Variants in DYNC2H1 observed in about 807,000 individuals in gnomAD.
The protein encoded by DYNC2H1 is dynein cytoplasmic 2 heavy chain 1.
A neutral mutation model predicts 570.0 loss-of-function variants in DYNC2H1; 410 were observed. The ratio of observed to expected loss-of-function variants is 0.72; its 90% confidence interval spans 0.66 to 0.78. DYNC2H1 has a LOEUF of 0.78. Among genes scored for constraint, DYNC2H1 ranks in the 30% least tolerant of loss-of-function variants. The pLI, the probability that DYNC2H1 is intolerant of heterozygous loss-of-function variation, is 0.00. For missense variants in DYNC2H1, 4,865 were observed against 5,046.4 expected, an observed-to-expected ratio of 0.96 and a Z score of 1.09; for synonymous variants, 1,688 against 1,677.6, an observed-to-expected ratio of 1.01 and a Z score of -0.15.
intron 82 of DYNC2H1, among the ~76,000 whole-genome samples, chr11:103,348,578 TCTCA>T (rs1939875522): frequency 6.6e-6 from 1 of 152,216 alleles, no homozygotes; most frequent in East Asian, 1.9e-4. Flanking sequence ...ATGGCTTCTT[TCTCA>T]CTCAGTGTAA....
intron 55 of DYNC2H1, among the ~76,000 whole-genome samples, chr11:103,218,535 AAG>A (rs1265311166): frequency 1.3e-5 from 2 of 152,184 alleles, no homozygotes; most frequent in Non-Finnish European, 2.9e-5. Context: ...TTGACCTTAA[AAG>A]AGTTGTTTGA....
chr11:103,155,549 A>G (rs1177418480), intron 25 of DYNC2H1, 48 bp downstream of exon 25: 5 of 1,539,658 alleles, frequency 3.2e-6, no homozygotes, highest in Non-Finnish European at 4.4e-6. Context: ...CTTTTTTAAT[A>G]TACAATATTG....
intron 30 of DYNC2H1, among the ~76,000 whole-genome samples, chr11:103,164,300 T>TA (rs1861211608): frequency 6.6e-6 from 1 of 152,294 alleles, no homozygotes; most frequent in East Asian, 1.9e-4. Context: ...GCCTGCAACT[T>TA]ACCTCCAGGC....
At chr11:103,331,313 T>A (rs2135461058) in intron 82 of DYNC2H1, among the ~76,000 whole-genome samples, 1 of 152,338 alleles carries the variant, frequency 6.6e-6, no homozygotes, top group African/African-American at 2.4e-5. Flanking sequence ...CCATGGCTCT[T>A]ACCTGATGAG....
At chr11:103,298,395 C>A (rs1056349140) in intron 75 of DYNC2H1, among the ~76,000 whole-genome samples, 1 of 151,960 alleles carries the variant, frequency 6.6e-6, no homozygotes, top group Non-Finnish European at 1.5e-5. Context: ...GGCACATAAC[C>A]TTTCTTACTG....
chr11:103,201,838 A>T lies in DYNC2H1; in HGVS notation c.8197+1684A>T, dbSNP rs1862730382. 6.6e-6 allele frequency among the ~76,000 whole-genome samples: 1 copy of T among 152,266 alleles called. No individual in the cohort carries two copies. Among genetic ancestry groups the T allele is most frequent in the East Asian group, 1.9e-4 (1 of 5,188 alleles). The stretch of plus-strand genomic sequence containing the variant: ...GTTAGTGATTGGGAGGAAGTAGCTT[A>T]GTTTTAAACTTGGATCAAGAGTGTT... On this transcript the variant is annotated intron_variant, in intron 50 of 88. Coordinates refer to ENST00000375735, the MANE Select transcript of DYNC2H1 (RefSeq NM_001377.3). This position sits in a 1 kb window ranked among gnomAD's most constrained non-coding sequence, Gnocchi z 4.8.
chr11:103,252,151 T>A lies in DYNC2H1; in HGVS notation c.10043-1134T>A, dbSNP rs1864860554. Reference sequence around the variant, plus strand: ...GGTCTCAGTATGTTTCCCAGATGGATCTTGAACTTCTGGTCTCAAGTGGTA... The same window carrying A: ...GGTCTCAGTATGTTTCCCAGATGGAACTTGAACTTCTGGTCTCAAGTGGTA... On this transcript the variant is annotated intron_variant, in intron 65 of 88. Coordinates refer to ENST00000375735, the MANE Select transcript of DYNC2H1 (RefSeq NM_001377.3). The surrounding 1 kb of genome is among the most constrained non-coding windows in gnomAD (Gnocchi z 4.6). Among the ~76,000 whole-genome samples, 1 of 151,772 alleles carries A rather than the reference T, an allele frequency of 6.6e-6. No homozygotes were observed.
Position 103,199,318 on chromosome 11 carries a change from C to A in DYNC2H1, c.7930C>A (p.Leu2644Met). ...LEYMSRIDRVLSFPGGSLLLA... is the reference protein window; with the variant it reads ...LEYMSRIDRVMSFPGGSLLLA... ...GTATATGTCTAGGATAGATAGAGTG[C>A]TGAGTTTCCCTGGAGGTTCACTTCT... is the stretch of plus-strand genomic sequence containing the variant. Residue 2644 changes from leucine (L) to methionine (M), a missense_variant, in exon 49 of 89, where the codon CTG (leucine) becomes ATG (methionine). Leu to Met is a conservative substitution (Grantham distance 15, BLOSUM62 2). Transcript: ENST00000375735. The surrounding 1 kb of genome is among the most constrained non-coding windows in gnomAD (Gnocchi z 4.6). 1 of 1,611,666 alleles carries A rather than the reference C, an allele frequency of 6.2e-7. No homozygotes were observed. The highest frequency in any genetic ancestry group is 8.5e-7 in the Non-Finnish European group (1 of 1,179,666).
At position 103,334,266 on chromosome 11, in the gene DYNC2H1, T is replaced by G. The variant is rs1331999527; in HGVS notation, c.12039+10276T>G. ...CTTCACCAGGTAGCTGTGTGACTAG[T>G]AAAACATTGAGGATTCTACTGGTAA... On this transcript the variant is annotated intron_variant, in intron 82 of 88. Coordinates refer to ENST00000375735, the MANE Select transcript of DYNC2H1 (RefSeq NM_001377.3). This position sits in a 1 kb window ranked among gnomAD's most constrained non-coding sequence, Gnocchi z 4.3. Among the ~76,000 whole-genome samples, 1 of 152,166 alleles carries G rather than the reference T, an allele frequency of 6.6e-6. No homozygotes were observed. The highest frequency in any genetic ancestry group is 2.4e-5 in the African/African-American group (1 of 41,444).
intron 82 of DYNC2H1, among the ~76,000 whole-genome samples, chr11:103,339,240 C>T (rs11225727): frequency 0.036 from 5,455 of 152,050 alleles, 327 homozygotes; most frequent in African/African-American, 0.13. Context: ...GTCCTGTGGT[C>T]GGCACAGTTG....
At chr11:103,314,476 TA>T (rs1937697530) in intron 79 of DYNC2H1, among the ~76,000 whole-genome samples, 1 of 152,086 alleles carries the variant, frequency 6.6e-6, no homozygotes, top group South Asian at 2.1e-4. Context: ...CTTTTGTGAA[TA>T]TAAAAAAATG....
intron 73 of DYNC2H1, among the ~76,000 whole-genome samples, chr11:103,284,604 T>C (rs1315151470): frequency 6.6e-6 from 1 of 152,164 alleles, no homozygotes; most frequent in Non-Finnish European, 1.5e-5. Context: ...CAGACCACCA[T>C]CAAGCATTAC....
Position 103,170,132 on chromosome 11 carries a change from A to G in DYNC2H1, c.4993A>G (p.Thr1665Ala). 1.2e-6 allele frequency: 2 copies of G among 1,612,624 alleles called. No individual in the cohort carries two copies. The highest frequency in any genetic ancestry group is 1.7e-6 in the Non-Finnish European group (2 of 1,179,226). Residue 1665 changes from threonine (T) to alanine (A), a missense_variant, in exon 33 of 89, where the codon ACT becomes GCT. Coordinates refer to ENST00000375735, the MANE Select transcript of DYNC2H1 (RefSeq NM_001377.3). This position sits in a 1 kb window ranked among gnomAD's most constrained non-coding sequence, Gnocchi z 4.8. ...YQGNASKLVY[T>A]PLTDKCYLTL... ...GGGTAATGCTTCCAAACTGGTTTATACTCCACTGACAGACAAGTGCTACTT... is the reference window on the plus strand; with the variant it reads ...GGGTAATGCTTCCAAACTGGTTTATGCTCCACTGACAGACAAGTGCTACTT...
At position 103,244,325 on chromosome 11, in the gene DYNC2H1, C is replaced by T. The variant is rs1383376172; in HGVS notation, c.9918+534C>T. On this transcript the variant is annotated intron_variant, in intron 64 of 88. Transcript: ENST00000375735. The surrounding 1 kb of genome is among the most constrained non-coding windows in gnomAD (Gnocchi z 4.3). ...ACTTCTCAGTTTCATGTTTATCTTG[C>T]AGAGGAAATTATTTTTGGTTAGGTT... 5.3e-5 allele frequency among the ~76,000 whole-genome samples: 8 copies of T among 151,706 alleles called. No individual in the cohort carries two copies. The highest frequency in any genetic ancestry group is 2.9e-5 in the Non-Finnish European group (2 of 67,882).
chr11:103,125,759 A>C (rs375670897), intron 12 of DYNC2H1, among the ~76,000 whole-genome samples: 2 of 152,212 alleles, frequency 1.3e-5, no homozygotes, highest in East Asian at 1.9e-4. Context: ...ATAACATGGC[A>C]TACAAGGCCC....
At chr11:103,159,919 C>G (rs537150169) in intron 28 of DYNC2H1, among the ~76,000 whole-genome samples, 1 of 152,150 alleles carries the variant, frequency 6.6e-6, no homozygotes, top group South Asian at 2.1e-4. Flanking sequence ...TTGTCTATAC[C>G]TTTCATGCTA....
rs555541276 is a variant in DYNC2H1 at position 103,336,615 on chromosome 11, T to C, written c.12039+12625T>C. Among the ~76,000 whole-genome samples, 40 of 152,302 alleles carry C rather than the reference T, an allele frequency of 2.6e-4. 1 individual carries two copies. The highest frequency in any genetic ancestry group is 5.4e-4 in the Non-Finnish European group (37 of 68,020). ...ATATAATGCCTTCTAGTACTATCCA[T>C]GTTGTTGCAAGTGACAAGATTTTAT... On this transcript the variant is annotated intron_variant, in intron 82 of 88. Coordinates refer to ENST00000375735, the MANE Select transcript of DYNC2H1 (RefSeq NM_001377.3).
In DYNC2H1 at chr11:103,176,398, C is replaced by T; in HGVS notation, c.5838C>T (p.Val1946=). 1 of 1,574,164 alleles carries T rather than the reference C, an allele frequency of 6.4e-7. No individual in the cohort carries two copies. Among genetic ancestry groups the T allele is most frequent in the Non-Finnish European group, 8.6e-7 (1 of 1,163,636 alleles). The change falls in exon 37 of 89, where the codon GTC becomes GTT. Residue 1946 remains valine (V), a synonymous_variant. Transcript: ENST00000375735. ...YDELSAALKQ[V]FEEANYEIIP... is the part of the protein sequence containing the mutation. ...AACTAAGTGCTGCATTAAAGCAGGT[C>T]TTTGAAGAGGCCAATTATGAAATTA... is the stretch of plus-strand genomic sequence containing the variant.
intron 6 of DYNC2H1, 32 bp from the exon 7 acceptor site, chr11:103,120,415 A>T (rs367587202): frequency 1.4e-5 from 21 of 1,541,472 alleles, no homozygotes; most frequent in Non-Finnish European, 1.6e-5. Flanking sequence ...TTGGATTTAA[A>T]TAAATTCTGT....
Sources: gnomAD v4.1 joint callset for allele counts (sites outside exome capture counted in the v4.1 genomes callset) on GRCh38, gnomAD v4.1.1 for gene constraint, Gnocchi (gnomAD v3.1) non-coding constraint, MANE v1.5 for transcripts, NCBI Gene and HGNC (gene_info 2026-07-23, HGNC 2026-07-21) for gene names.